EYS: variants seen among roughly 807,000 people sequenced by gnomAD.
EYS encodes EGF-like photoreceptor maintenance factor.
In EYS, 250 loss-of-function variants were observed where a neutral mutation model predicts 282.1. The ratio of observed to expected loss-of-function variants is 0.89; its 90% CI spans 0.80 to 0.98. The LOEUF (loss-of-function observed/expected upper bound fraction) is 0.98. EYS is among the 50% of genes least tolerant of loss of function. The pLI is 0.00. For missense variants in EYS, 4,016 were observed against 3,709.0 expected, an observed-to-expected ratio of 1.08 and a Z score of -2.15; for synonymous variants, 1,355 against 1,282.9, an observed-to-expected ratio of 1.06 and a Z score of -1.20.
intron 30 of EYS, among the ~76,000 whole-genome samples, chr6:64,276,321 C>T (rs1436187052): frequency 6.6e-6 from 1 of 152,164 alleles, no homozygotes; most frequent in African/African-American, 2.4e-5. Context: ...AGTCATCCTT[C>T]CTCTTTGCTA....
chr6:65,135,238 C>T (rs1196669789), intron 12 of EYS, among the ~76,000 whole-genome samples: 1 of 151,840 alleles, frequency 6.6e-6, no homozygotes, highest in African/African-American at 2.4e-5. Flanking sequence ...ATCACATCAC[C>T]TTTTTAATTC....
At chr6:65,027,710 T>G (rs1162450735) in intron 13 of EYS, among the ~76,000 whole-genome samples, 2 of 152,194 alleles carry the variant, frequency 1.3e-5, no homozygotes, top group African/African-American at 4.8e-5. Context: ...CACTTAAGAC[T>G]TATCAGTATT....
At chr6:65,444,678 C>A (rs1004242031) in intron 5 of EYS, among the ~76,000 whole-genome samples, 1 of 152,018 alleles carries the variant, frequency 6.6e-6, no homozygotes, top group African/African-American at 2.4e-5. Flanking sequence ...CTTAGGTCTT[C>A]TATGTTAGGA....
At chr6:64,954,265 T>C (rs532568583) in intron 14 of EYS, among the ~76,000 whole-genome samples, 18 of 151,934 alleles carry the variant, frequency 1.2e-4, no homozygotes, top group African/African-American at 4.3e-4. Flanking sequence ...TTACCTTTAA[T>C]GTCGGTTTAA....
At chr6:64,350,332 T>A (rs1278065302) in intron 29 of EYS, among the ~76,000 whole-genome samples, 1 of 81,462 alleles carries the variant, frequency 1.2e-5, no homozygotes, top group East Asian at 2.6e-4. Context: ...AAGCCCTTGC[T>A]TAAAAAAAGT....
chr6:64,094,826 G>T (rs1772525682), intron 31 of EYS, among the ~76,000 whole-genome samples: 2 of 152,090 alleles, frequency 1.3e-5, no homozygotes, highest in Admixed American at 1.3e-4. Context: ...TGCTTCTCTA[G>T]TTCTTGTAAT....
At position 64,589,573 on chromosome 6, in the gene EYS, G is replaced by T. The variant is rs577559095; in HGVS notation, c.5644+650C>A. Among the ~76,000 whole-genome samples the T allele has an allele frequency of 2.6e-5, 4 of 151,982 alleles. No individual in the cohort carries two copies. The East Asian group carries it at 5.8e-4, about 22-fold the overall frequency. ...AGGGGAGAATAGTGATTTAAAATAC[G>T]CTTTAAAGTAAGAACTGTTATATGA... On this transcript the variant is annotated intron_variant, in intron 26 of 42. Transcript: ENST00000503581.
At chr6:63,897,188 G>A (rs1433148554) in intron 35 of EYS, among the ~76,000 whole-genome samples, 2 of 152,116 alleles carry the variant, frequency 1.3e-5, no homozygotes, top group African/African-American at 4.8e-5. Flanking sequence ...TTGAATATGT[G>A]AACCAGCTTA....
At chr6:65,377,166 T>TA (rs1371377292) in intron 8 of EYS, among the ~76,000 whole-genome samples, 1 of 151,624 alleles carries the variant, frequency 6.6e-6, no homozygotes, top group African/African-American at 2.4e-5. Context: ...GATGCAAATG[T>TA]AAAAAAACAG....
intron 12 of EYS, among the ~76,000 whole-genome samples, chr6:65,215,073 T>C (rs1369915575): frequency 6.6e-6 from 1 of 152,184 alleles, no homozygotes; most frequent in Non-Finnish European, 1.5e-5. Flanking sequence ...TTTTCATCCC[T>C]GCTAACATAA....
chr6:64,896,240 A>G (rs1029781408), intron 18 of EYS, among the ~76,000 whole-genome samples: 8 of 152,082 alleles, frequency 5.3e-5, no homozygotes, highest in African/African-American at 1.9e-4. Context: ...TACCCAGTTC[A>G]TCTCCCTGGT....
At chr6:64,870,377 A>G (rs986679314) in intron 19 of EYS, among the ~76,000 whole-genome samples, 2 of 151,362 alleles carry the variant, frequency 1.3e-5, no homozygotes, top group Non-Finnish European at 3.0e-5. Context: ...GCTTACAACA[A>G]TTAAAAAACT....
intron 1 of EYS, among the ~76,000 whole-genome samples, chr6:65,696,835 A>G (rs1769474114): frequency 1.3e-5 from 2 of 152,030 alleles, no homozygotes; most frequent in Admixed American, 6.6e-5. Flanking sequence ...ATTTCTAAAG[A>G]AAATTTAAAA....
At chr6:65,378,093 G>C (rs556411222) in intron 8 of EYS, among the ~76,000 whole-genome samples, 1 of 152,224 alleles carries the variant, frequency 6.6e-6, no homozygotes, top group African/African-American at 2.4e-5. Context: ...AGAGTGAACA[G>C]GCAACCTGCA....
At position 63,729,084 on chromosome 6, in the gene EYS, T is replaced by C. The variant is rs1768713367; in HGVS notation, c.8072-2404A>G. On this transcript the variant is annotated intron_variant, in intron 41 of 42. Transcript: ENST00000503581. ...GTAATTTCCTAATGATGTAAGATGT[T>C]GAGCATTTTCATATGCTCATTTGCC... 2.0e-5 allele frequency among the ~76,000 whole-genome samples: 3 copies of C among 152,210 alleles called. No individual in the cohort carries two copies. In the South Asian group the frequency reaches 6.2e-4, roughly 31 times the overall value.
intron 32 of EYS, among the ~76,000 whole-genome samples, chr6:64,070,609 T>C (rs1002332439): frequency 6.6e-6 from 1 of 152,090 alleles, no homozygotes; most frequent in Non-Finnish European, 1.5e-5. Context: ...GTAGTTTTCA[T>C]AGTGTCTAGT....
chr6:65,407,203 T>G (rs1160526636), intron 5 of EYS, among the ~76,000 whole-genome samples: 2 of 152,168 alleles, frequency 1.3e-5, no homozygotes, highest in Non-Finnish European at 2.9e-5. Context: ...CTAAGCATTT[T>G]GAAGGTCATG....
chr6:65,396,937 C>T lies in EYS; in HGVS notation c.1184+5541G>A, dbSNP rs187292859. ...TGCCCTATATCCCAACCCATTTCTA[C>T]TACTATCTAAATATAAACTATTTTG... On this transcript the variant is annotated intron_variant, in intron 7 of 42. Transcript: ENST00000503581. 2.5e-4 allele frequency among the ~76,000 whole-genome samples: 38 copies of T among 151,848 alleles called. No individual in the cohort carries two copies. The East Asian group carries it at 7.0e-3, about 28-fold the overall frequency.
At chr6:64,565,518 A>G (rs986476981) in intron 26 of EYS, among the ~76,000 whole-genome samples, 13 of 152,200 alleles carry the variant, frequency 8.5e-5, no homozygotes, top group African/African-American at 3.1e-4. Context: ...AGACACAGAC[A>G]AAACCATATG....
Sources: gnomAD v4.1 joint callset for allele counts (sites outside exome capture counted in the v4.1 genomes callset) on GRCh38, gnomAD v4.1.1 for gene constraint, MANE v1.5 for transcripts, NCBI Gene and HGNC (gene_info 2026-07-23, HGNC 2026-07-21) for gene names.